Variants in PKP4 observed in about 807,000 individuals in gnomAD.
The protein encoded by PKP4 is plakophilin 4, also known as plakophilin-4.
A neutral mutation model predicts 145.1 loss-of-function variants in PKP4; 90 were observed. That is an observed-to-expected ratio of 0.62 (90% CI 0.52 to 0.74). The LOEUF (loss-of-function observed/expected upper bound fraction) is 0.74, where lower values mean the gene tolerates loss of function less well. Among genes scored for constraint, PKP4 ranks in the 30% least tolerant of loss-of-function variants. The pLI is 0.00. For synonymous variants in PKP4, 563 were observed against 577.2 expected (o/e 0.98, Z 0.35); for missense variants, 1,340 against 1,482.7 (o/e 0.90, Z 1.58).
At chr2:158,483,532 A>G (rs949493685) in intron 1 of PKP4, among the ~76,000 whole-genome samples, 1 of 152,212 alleles carries the variant, frequency 6.6e-6, no homozygotes, top group Admixed American at 6.5e-5. Flanking sequence ...ATGACAAAAT[A>G]TGTAATACAG....
chr2:158,522,720 C>G (rs531791030), intron 1 of PKP4, among the ~76,000 whole-genome samples: 1 of 151,982 alleles, frequency 6.6e-6, no homozygotes, highest in African/African-American at 2.4e-5. Flanking sequence ...TCTGAGGTAC[C>G]GGGTTCATCT....
At chr2:158,500,033 AGT>A (rs1378429815) in intron 1 of PKP4, among the ~76,000 whole-genome samples, 1 of 152,244 alleles carries the variant, frequency 6.6e-6, no homozygotes, top group Admixed American at 6.5e-5. Context: ...CAGCCATGAA[AGT>A]CATCCTCAAT....
chr2:158,620,033 G>A (rs1022510605), intron 4 of PKP4, among the ~76,000 whole-genome samples: 1 of 152,132 alleles, frequency 6.6e-6, no homozygotes, highest in Admixed American at 6.5e-5. Flanking sequence ...GAGGAAAGGA[G>A]GTAGACATTT....
chr2:158,466,536 A>C (rs1690639317), intron 1 of PKP4, among the ~76,000 whole-genome samples: 2 of 151,412 alleles, frequency 1.3e-5, no homozygotes, highest in South Asian at 4.2e-4. Flanking sequence ...ATCTCTACTA[A>C]AAATACAAAA....
At chr2:158,562,058 G>T (rs940517591) in intron 2 of PKP4, among the ~76,000 whole-genome samples, 1 of 151,910 alleles carries the variant, frequency 6.6e-6, no homozygotes, top group Non-Finnish European at 1.5e-5. Flanking sequence ...TGGGAGATAA[G>T]GCCTTTCACT....
At chr2:158,588,076 T>C (rs544267244) in intron 3 of PKP4, 1 of 152,284 alleles carries the variant, frequency 6.6e-6, no homozygotes, top group South Asian at 2.1e-4. Flanking sequence ...CATTAAACTG[T>C]TTAGCCATTC....
At chr2:158,491,681 C>T (rs181050117) in intron 1 of PKP4, among the ~76,000 whole-genome samples, 1 of 152,200 alleles carries the variant, frequency 6.6e-6, no homozygotes, top group East Asian at 1.9e-4. Context: ...AATGTGCTAT[C>T]AAAATCATCG....
chr2:158,558,931 T>A (rs529888032), intron 2 of PKP4, among the ~76,000 whole-genome samples: 1 of 152,216 alleles, frequency 6.6e-6, no homozygotes, highest in East Asian at 1.9e-4. Context: ...CCACGGTGCC[T>A]CCTGAGTGAA....
chr2:158,503,100 C>G (rs941952523), intron 1 of PKP4, among the ~76,000 whole-genome samples: 1 of 152,166 alleles, frequency 6.6e-6, no homozygotes, highest in African/African-American at 2.4e-5. Context: ...AAAGTTTGAG[C>G]CATAACACAT....
chr2:158,594,902 A>G (rs2049589290), intron 3 of PKP4, among the ~76,000 whole-genome samples: 1 of 151,534 alleles, frequency 6.6e-6, no homozygotes, highest in Admixed American at 6.6e-5. Flanking sequence ...TTGCCTTCCA[A>G]CTCCCTCGTC....
chr2:158,482,615 T>C (rs7587353), intron 1 of PKP4, among the ~76,000 whole-genome samples: 138,236 of 152,234 alleles, frequency 0.91, 62,851 homozygotes, highest in East Asian at 0.98. Flanking sequence ...GTGGGAGAAT[T>C]GCTTGAACCC....
chr2:158,515,317 C>T (rs1457256990), intron 1 of PKP4, among the ~76,000 whole-genome samples: 1 of 152,032 alleles, frequency 6.6e-6, no homozygotes, highest in East Asian at 1.9e-4. Context: ...TACTTTCAAA[C>T]TAAGTTGTCA....
At position 158,629,300 on chromosome 2, in the gene PKP4, G is replaced by C. The variant is rs2053129846; in HGVS notation, c.1154-2453G>C. On this transcript the variant is annotated intron_variant, in intron 7 of 21. Transcript: ENST00000389759. ...CACCATGTGCCGTTGCTCCATGAGG[G>C]ATAGCTGTGTCCAGTATTGGGTGTA... Among the ~76,000 whole-genome samples the C allele has an allele frequency of 2.0e-5, 3 of 152,270 alleles. 1 individual carries two copies. In the South Asian group the frequency reaches 6.2e-4, roughly 32 times the overall value.
chr2:158,597,210 A>G (rs1261381459), intron 3 of PKP4, among the ~76,000 whole-genome samples: 2 of 152,198 alleles, frequency 1.3e-5, no homozygotes, highest in African/African-American at 4.8e-5. Flanking sequence ...CATACGATAT[A>G]TGCAGTAAAC....
intron 1 of PKP4, among the ~76,000 whole-genome samples, chr2:158,470,032 T>C (rs559379995): frequency 6.6e-6 from 1 of 152,338 alleles, no homozygotes; most frequent in East Asian, 1.9e-4. Context: ...GTCATCACTT[T>C]GCACATAACT....
intron 1 of PKP4, among the ~76,000 whole-genome samples, chr2:158,475,333 AT>A (rs1384449941): frequency 6.6e-6 from 1 of 152,040 alleles, no homozygotes; most frequent in Non-Finnish European, 1.5e-5. Flanking sequence ...CATGAAACTG[AT>A]TCATTCTTTT....
chr2:158,505,050 C>G (rs190762669), intron 1 of PKP4, among the ~76,000 whole-genome samples: 3 of 152,166 alleles, frequency 2.0e-5, no homozygotes, highest in South Asian at 4.1e-4. Flanking sequence ...ATTAAGAGTT[C>G]TTTTCCTGTT....
At chr2:158,466,206 A>G (rs915598166) in intron 1 of PKP4, among the ~76,000 whole-genome samples, 5 of 152,190 alleles carry the variant, frequency 3.3e-5, no homozygotes, top group Non-Finnish European at 2.9e-5. Flanking sequence ...CTAGTTTTGA[A>G]CACCTTCACC....
chr2:158,579,707 A>AC (rs2048167321), intron 3 of PKP4, among the ~76,000 whole-genome samples: 1 of 152,216 alleles, frequency 6.6e-6, no homozygotes, highest in Admixed American at 6.5e-5. Context: ...AAAGCAGTTA[A>AC]AATGAAACTC....
Sources: allele counts gnomAD v4.1 joint callset (sites outside exome capture counted in the v4.1 genomes callset), GRCh38; gene constraint gnomAD v4.1.1; transcripts MANE v1.5; gene names NCBI Gene and HGNC (gene_info 2026-07-23, HGNC 2026-07-21).